The following NDST4 variants were observed in gnomAD, a reference collection of about 807,000 sequenced individuals.
NDST4 encodes N-heparan sulfate sulfotransferase 4.
NDST4 carries 63 observed loss-of-function variants against 100.8 expected under a neutral mutation model. The ratio of observed to expected loss-of-function variants is 0.62; its 90% CI spans 0.51 to 0.77. The LOEUF is 0.77. Ranked by LOEUF, NDST4 falls within the 30% of genes least tolerant of loss-of-function variation. The probability of loss-of-function intolerance (pLI) is 0.00; values close to 1 mark genes in which losing one functional copy is unlikely to be tolerated. For missense variants in NDST4, 943 were observed against 1,018.4 expected (o/e 0.93, Z 1.01); for synonymous variants, 377 against 361.8 (o/e 1.04, Z -0.48).
intron 2 of NDST4, among the ~76,000 whole-genome samples, chr4:115,024,015 T>C (rs1390946550): frequency 6.6e-6 from 1 of 152,080 alleles, no homozygotes; most frequent in Non-Finnish European, 1.5e-5. Context: ...AAGGTACAAG[T>C]TGGCAGTGAC....
intron 1 of NDST4, among the ~76,000 whole-genome samples, chr4:115,100,504 T>C (rs1385610637): frequency 6.6e-6 from 1 of 152,104 alleles, no homozygotes; most frequent in Non-Finnish European, 1.5e-5. Flanking sequence ...AGCTGTTTCA[T>C]GACATTTATA....
intron 2 of NDST4, among the ~76,000 whole-genome samples, chr4:115,068,949 T>C (rs2126286654): frequency 6.6e-6 from 1 of 152,244 alleles, no homozygotes; most frequent in Middle Eastern, 3.4e-3. Context: ...GGTTGTGTAA[T>C]ACATTCCTTG....
intron 1 of NDST4, among the ~76,000 whole-genome samples, chr4:115,081,999 T>TAG (rs1426530755): frequency 2.0e-5 from 3 of 151,564 alleles, no homozygotes; most frequent in African/African-American, 7.3e-5. Context: ...CGTTAAAAAT[T>TAG]TGGAAGGAGA....
intron 6 of NDST4, among the ~76,000 whole-genome samples, chr4:114,887,502 A>G (rs1029643178): frequency 3.3e-5 from 5 of 152,194 alleles, no homozygotes; most frequent in Non-Finnish European, 7.3e-5. Context: ...TTGATTAACA[A>G]GGATAAACTG....
intron 10 of NDST4, among the ~76,000 whole-genome samples, chr4:114,842,013 T>G (rs1723436662): frequency 6.6e-6 from 1 of 152,070 alleles, no homozygotes; most frequent in South Asian, 2.1e-4. Flanking sequence ...CTTCAAAAAT[T>G]CCCTTTTAGT....
intron 10 of NDST4, among the ~76,000 whole-genome samples, chr4:114,840,715 A>C (rs1723406553): frequency 2.6e-5 from 4 of 152,178 alleles, no homozygotes; most frequent in Admixed American, 2.0e-4. Flanking sequence ...AAACTTCTAA[A>C]AGTGAATTTG....
intron 2 of NDST4, among the ~76,000 whole-genome samples, chr4:115,055,579 G>A (rs970327099): frequency 1.3e-4 from 20 of 152,174 alleles, no homozygotes; most frequent in Non-Finnish European, 2.2e-4. Flanking sequence ...AGTTCAAGTT[G>A]TCATTGATCA....
chr4:115,076,608 G>GAGCTTCCATGAGAGCTTCTCGAT lies in NDST4; in HGVS notation c.428_429insATCGAGAAGCTCTCATGGAAGCT (p.Asp143GlufsTer16). 6.2e-7 allele frequency: 1 copy of GAGCTTCCATGAGAGCTTCTCGAT among 1,613,830 alleles called. No homozygotes were observed. Among genetic ancestry groups the GAGCTTCCATGAGAGCTTCTCGAT allele is most frequent in the South Asian group, 1.1e-5 (1 of 91,084 alleles). ...TTTCTAAAAGCTCTCGATTCCATGA[G>GAGCTTCCATGAGAGCTTCTCGAT]TCCATGCTGACATACTTCAGAATAT... On this transcript the variant is annotated frameshift_variant, in exon 2 of 14. Coordinates refer to ENST00000264363, the MANE Select transcript of NDST4 (RefSeq NM_022569.3). LOFTEE classifies it high-confidence loss of function.
intron 4 of NDST4, among the ~76,000 whole-genome samples, chr4:114,959,174 T>C (rs1432721520): frequency 6.6e-6 from 1 of 152,142 alleles, no homozygotes; most frequent in Non-Finnish European, 1.5e-5. Context: ...GTCAAAGCCA[T>C]TCAACAAGTC....
rs116810574 is a variant in NDST4 at position 114,938,804 on chromosome 4, T to C, written c.1222-1301A>G. 4.1e-3 allele frequency among the ~76,000 whole-genome samples: 628 copies of C among 152,326 alleles called. 1 individual carries two copies. Among genetic ancestry groups the C allele is most frequent in the Admixed American group, 6.5e-3 (100 of 15,300 alleles). On this transcript the variant is annotated intron_variant, in intron 4 of 13. Coordinates refer to ENST00000264363, the MANE Select transcript of NDST4 (RefSeq NM_022569.3). Reference sequence around the variant, plus strand: ...CTTTCATGTAATGACCCTCATTGTATAGCCAAAGTCACCTCTCTTTCTCCA... The same window carrying C: ...CTTTCATGTAATGACCCTCATTGTACAGCCAAAGTCACCTCTCTTTCTCCA...
chr4:114,840,033 T>C (rs565856695), intron 10 of NDST4, among the ~76,000 whole-genome samples: 69 of 152,312 alleles, frequency 4.5e-4, no homozygotes, highest in African/African-American at 1.3e-3. Context: ...CACTGTTCCA[T>C]TACTGCCACT....
chr4:115,024,158 A>G (rs1272762011), intron 2 of NDST4, among the ~76,000 whole-genome samples: 2 of 152,168 alleles, frequency 1.3e-5, no homozygotes, highest in Non-Finnish European at 2.9e-5. Context: ...AGCCCCCACT[A>G]GGAAAATGCC....
chr4:114,870,074 A>T (rs2126196529), intron 7 of NDST4, among the ~76,000 whole-genome samples: 1 of 152,232 alleles, frequency 6.6e-6, no homozygotes, highest in South Asian at 2.1e-4. Context: ...GGGTCGATGT[A>T]ATCTGATGCA....
Position 114,937,462 on chromosome 4 carries a change from T to C in NDST4, c.1263A>G (p.Pro421=), listed in dbSNP as rs1725654502. 8 of 1,606,734 alleles carry C rather than the reference T, an allele frequency of 5.0e-6. No individual in the cohort carries two copies. Among genetic ancestry groups the C allele is most frequent in the African/African-American group, 1.3e-5 (1 of 74,732 alleles). ...IPINMGYAVA[P]HHSGVYPVHI... Reference sequence around the variant, plus strand: ...GAACCGGGTAGACCCCTGAGTGATGTGGGGCCACAGCATAGCCCATGTTGA... The same window carrying C: ...GAACCGGGTAGACCCCTGAGTGATGCGGGGCCACAGCATAGCCCATGTTGA... The change falls in exon 5 of 14, where the codon CCA becomes CCG. Residue 421 remains proline, a synonymous_variant. Transcript: ENST00000264363.
chr4:115,082,124 C>T (rs531024853), intron 1 of NDST4, among the ~76,000 whole-genome samples: 1 of 152,236 alleles, frequency 6.6e-6, no homozygotes, highest in Non-Finnish European at 1.5e-5. Flanking sequence ...TTCCTGTTCT[C>T]ATTTTTGTTT....
At chr4:114,866,022 A>G (rs1724019134) in intron 7 of NDST4, among the ~76,000 whole-genome samples, 1 of 152,242 alleles carries the variant, frequency 6.6e-6, no homozygotes, top group African/African-American at 2.4e-5. Context: ...TAAGATAATA[A>G]TGAAATCTGT....
rs544981143 is a variant in NDST4, at chr4:114,881,275, G to T, written c.1537-10325C>A. Among the ~76,000 whole-genome samples the T allele has an allele frequency of 2.0e-5, 3 of 152,088 alleles. No individual in the cohort carries two copies. In the East Asian group the frequency reaches 5.8e-4, roughly 29 times the overall value. On this transcript the variant is annotated intron_variant, in intron 6 of 13. Coordinates refer to ENST00000264363, the MANE Select transcript of NDST4 (RefSeq NM_022569.3). The stretch of plus-strand genomic sequence containing the variant: ...GATGACTACTTGAACAGTGACAATG[G>T]GAAAGGAGAGAAATTAAATAGATTC...
chr4:114,899,181 T>TTTTGTA (rs1387520462), intron 6 of NDST4, among the ~76,000 whole-genome samples: 1 of 151,994 alleles, frequency 6.6e-6, no homozygotes, highest in Non-Finnish European at 1.5e-5. Flanking sequence ...CGTTTTTTGT[T>TTTTGTA]TTTGTTTTTG....
chr4:115,112,200 G>GAAA, intron 1 of NDST4, among the ~76,000 whole-genome samples: 1 of 124,386 alleles, frequency 8.0e-6, no homozygotes, highest in Admixed American at 8.2e-5. Flanking sequence ...CTTTTGATAT[G>GAAA]AAAAAAAAAA....
Sources: gnomAD v4.1 joint callset for allele counts (sites outside exome capture counted in the v4.1 genomes callset) on GRCh38, gnomAD v4.1.1 for gene constraint, MANE v1.5 for transcripts, NCBI Gene and HGNC (gene_info 2026-07-23, HGNC 2026-07-21) for gene names.